The following KANK2 variants were observed in gnomAD, a reference collection of about 807,000 sequenced individuals.
KANK2 encodes KN motif and ankyrin repeat domains 2.
Under a neutral mutation model 74.6 loss-of-function variants are expected in KANK2, and 41 were observed. That is an observed-to-expected ratio of 0.55 (90% confidence interval 0.43 to 0.71). The LOEUF is 0.71. KANK2 is among the 30% of genes least tolerant of loss of function. KANK2 has a pLI of 0.00. For missense variants in KANK2, 1,148 were observed against 1,196.4 expected (o/e 0.96, Z 0.60); for synonymous variants, 537 against 519.0 (o/e 1.03, Z -0.47).
chr19:11,188,538 AGGCTG>A (rs1032650017), intron 4 of KANK2, among the ~76,000 whole-genome samples: 4 of 138,934 alleles, frequency 2.9e-5, no homozygotes, highest in Non-Finnish European at 4.6e-5. Flanking sequence ...TTTTTAATTT[AGGCTG>A]GGTGCGGTAG....
At chr19:11,184,586 A>C (rs1471978115) in intron 4 of KANK2, among the ~76,000 whole-genome samples, 1 of 149,946 alleles carries the variant, frequency 6.7e-6, no homozygotes, top group East Asian at 1.9e-4. Context: ...TAGTTCTAAC[A>C]CAAAACCAGT....
intron 4 of KANK2, among the ~76,000 whole-genome samples, chr19:11,184,270 G>C (rs1038280439): frequency 1.3e-5 from 2 of 149,956 alleles, no homozygotes; most frequent in Non-Finnish European, 3.0e-5. Context: ...CAGCTACTCG[G>C]GAGGATGAGG....
chr19:11,175,465 T>A (rs1169064650), intron 8 of KANK2, among the ~76,000 whole-genome samples: 1 of 149,406 alleles, frequency 6.7e-6, no homozygotes, highest in Admixed American at 6.7e-5. Flanking sequence ...AAGAATTTTT[T>A]TGTAGAAATG....
At position 11,181,916 on chromosome 19, in the gene KANK2, A is replaced by ATTT. The variant is rs371144441; in HGVS notation, c.1250-3199_1250-3197dup. On this transcript the variant is annotated intron_variant, in intron 4 of 12. Transcript: ENST00000586659. ...TACTCAAACATGGATAAGATGGTTA[A>ATTT]TTTTTTTTTTTTTTTTTTTGAGACG... 2.4e-3 allele frequency among the ~76,000 whole-genome samples: 318 copies of ATTT among 132,894 alleles called. 5 individuals carry two copies. The highest frequency in any genetic ancestry group is 0.012 in the Middle Eastern group (3 of 254). The allele number at this position is 132,894 out of a possible 152,430, so 87.2% of individuals were successfully genotyped here. A position where few individuals can be genotyped will look rare whatever the true frequency, so the allele number is the denominator to read the frequency against.
chr19:11,186,995 C>T (rs1369465084), intron 4 of KANK2, among the ~76,000 whole-genome samples: 1 of 151,982 alleles, frequency 6.6e-6, no homozygotes, highest in Non-Finnish European at 1.5e-5. Flanking sequence ...GGGTGGCTCA[C>T]ACCTGTAATC....
At chr19:11,174,957 CTTTTT>C (rs573242892) in intron 8 of KANK2, among the ~76,000 whole-genome samples, 1 of 140,896 alleles carries the variant, frequency 7.1e-6, no homozygotes, top group African/African-American at 2.6e-5. Flanking sequence ...CTCTCTCTCT[CTTTTT>C]TTTTTTTTTT....
chr19:11,176,462 A>T, intron 7 of KANK2, 116 bp downstream of exon 7: 1 of 1,202,302 alleles, frequency 8.3e-7, no homozygotes, highest in Non-Finnish European at 1.1e-6. Context: ...GCTAATTCAG[A>T]CTAAAGTGTG....
At position 11,165,227 on chromosome 19, in the gene KANK2, A is replaced by G. The variant is rs1281963764; in HGVS notation, c.*1331T>C. 6.6e-6 allele frequency: 1 copy of G among 152,164 alleles called. No individual in the cohort carries two copies. The highest frequency in any genetic ancestry group is 1.9e-4 in the East Asian group (1 of 5,194). The allele number at this position is 152,164 out of a possible 1,614,324, so 9.4% of individuals were successfully genotyped here. ...GGTTGTTAAAAAGCCCAGCTGGCCCATGTTTGGTTTTCAGCAAAGCCCTGT... is the reference window on the plus strand; with the variant it reads ...GGTTGTTAAAAAGCCCAGCTGGCCCGTGTTTGGTTTTCAGCAAAGCCCTGT... On this transcript the variant is annotated 3_prime_UTR_variant, in exon 13 of 13. Coordinates refer to ENST00000586659, the MANE Select transcript of KANK2 (RefSeq NM_001136191.3).
At chr19:11,180,550 A>G (rs1348153596) in intron 4 of KANK2, among the ~76,000 whole-genome samples, 1 of 152,200 alleles carries the variant, frequency 6.6e-6, no homozygotes, top group Non-Finnish European at 1.5e-5. Flanking sequence ...CATGGCCAAC[A>G]GCATCCCCAG....
At chr19:11,191,962 G>C (rs1340173957) in intron 4 of KANK2, among the ~76,000 whole-genome samples, 5 of 152,170 alleles carry the variant, frequency 3.3e-5, no homozygotes, top group Non-Finnish European at 7.3e-5. Context: ...GGGAGGCTAA[G>C]GCGGGAGGAT....
chr19:11,178,235 A>G, intron 6 of KANK2, 110 bp downstream of exon 6: 1 of 999,620 alleles, frequency 1.0e-6, no homozygotes, highest in Non-Finnish European at 1.4e-6. Context: ...GATTAAACGA[A>G]TTAACCAAAG....
At chr19:11,174,175 C>A (rs1443945520) in intron 9 of KANK2, among the ~76,000 whole-genome samples, 2 of 151,890 alleles carry the variant, frequency 1.3e-5, no homozygotes, top group African/African-American at 4.8e-5. Context: ...CTCCATCAGA[C>A]TGGGAGGGCG....
intron 4 of KANK2, among the ~76,000 whole-genome samples, chr19:11,182,914 C>T (rs1259725953): frequency 6.8e-5 from 10 of 147,994 alleles, no homozygotes. Context: ...TCCGCCCCAA[C>T]AGAAAAGCAG....
intron 4 of KANK2, among the ~76,000 whole-genome samples, chr19:11,189,603 CAAAAAAAAAAAAAA>C (rs56203270): frequency 1.9e-3 from 80 of 43,128 alleles, no homozygotes; most frequent in African/African-American, 2.7e-3. Context: ...GACTCTGTCT[CAAAAAAAAAAAAAA>C]AAAAAAAAAA....
rs1179108207 is a variant in KANK2, at chr19:11,175,996, G to C, written c.1761-7C>G. On this transcript the variant is annotated splice_polypyrimidine_tract_variant and splice_region_variant and intron_variant, in intron 7 of 12. Transcript: ENST00000586659. ...GTCAGGGCTTAGCTCCATCCTGCCA[G>C]GAACAGACAAAGCGGGGAACTAAGT... 1 of 1,611,634 alleles carries C rather than the reference G, an allele frequency of 6.2e-7. No homozygotes were observed.
intron 10 of KANK2, 145 bp downstream of exon 10, chr19:11,172,836 A>C (rs2078215383): frequency 1.2e-6 from 1 of 820,200 alleles, no homozygotes; most frequent in South Asian, 1.7e-5. Context: ...TCTAGTTTCC[A>C]CAAGAAGGTC....
intron 4 of KANK2, among the ~76,000 whole-genome samples, chr19:11,188,321 G>A (rs999833064): frequency 2.6e-5 from 4 of 151,788 alleles, no homozygotes; most frequent in African/African-American, 9.7e-5. Flanking sequence ...CGATTCTCCT[G>A]TCTCAGCTTC....
At chr19:11,180,592 A>G (rs2078486429) in intron 4 of KANK2, among the ~76,000 whole-genome samples, 1 of 152,148 alleles carries the variant, frequency 6.6e-6, no homozygotes, top group Non-Finnish European at 1.5e-5. Flanking sequence ...ACCACAGAAA[A>G]CATAAAAACC....
rs776707980 is a variant in KANK2, at chr19:11,174,597, G to C, written c.1944C>G (p.Phe648Leu). The part of the protein sequence containing the change: ...PELVRRHLVT[F>L]RAMSARLLDY... ...CCAGCAGCCGCGCAGACATGGCCCG[G>C]AACGTGACCAGGTGCCGCCGCACCA... The change falls in exon 9 of 13, where the codon TTC becomes TTG. Residue 648 changes from phenylalanine to leucine, a missense_variant. Transcript: ENST00000586659. The C allele has an allele frequency of 1.2e-6, 2 of 1,612,990 alleles. No homozygotes were observed. Among genetic ancestry groups the C allele is most frequent in the Non-Finnish European group, 1.7e-6 (2 of 1,179,822 alleles).
Sources: allele counts gnomAD v4.1 joint callset (sites outside exome capture counted in the v4.1 genomes callset), GRCh38; gene constraint gnomAD v4.1.1; transcripts MANE v1.5; gene names NCBI Gene and HGNC (gene_info 2026-07-23, HGNC 2026-07-21).